Variants in PAX6 observed in about 807,000 individuals in gnomAD.
The protein encoded by PAX6 is paired box 6.
In PAX6, 7 loss-of-function variants were observed where a neutral mutation model predicts 60.7. The observed-to-expected ratio is 0.12, with a 90% CI of 0.07 to 0.22. The LOEUF (loss-of-function observed/expected upper bound fraction) is 0.22. PAX6 is among the 10% of genes least tolerant of loss of function. The pLI is 1.00. For synonymous variants in PAX6, 208 were observed against 201.2 expected (o/e 1.03, Z -0.29); for missense variants, 355 against 555.2 (o/e 0.64, Z 3.62).
At chr11:31,816,281 G>C, upstream of PAX6, 1 of 386,932 alleles carries the variant, frequency 2.6e-6, no homozygotes, top group South Asian at 5.7e-5. Context: ...AATCTGAATA[G>C]TAATTCCAGT....
upstream of PAX6, chr11:31,814,894 C>T: frequency 6.4e-6 from 1 of 155,248 alleles, no homozygotes; most frequent in South Asian, 2.0e-4. Context: ...AGCCGCGGTG[C>T]CCTCGCCCTT....
At chr11:31,809,109 A>G (rs3026354) in intron 2 of PAX6, among the ~76,000 whole-genome samples, 26,922 of 152,088 alleles carry the variant, frequency 0.18, 2,554 homozygotes, top group East Asian at 0.3. Flanking sequence ...TCTTTAACTG[A>G]GGTAAAGGGG....
intron 8 of PAX6, among the ~76,000 whole-genome samples, chr11:31,796,248 T>G (rs1005851033): frequency 6.6e-6 from 1 of 152,084 alleles, no homozygotes. Flanking sequence ...ACTATTAAAC[T>G]CCTGGGGCAG....
chr11:31,790,682 G>A, intron 13 of PAX6, 28 bp downstream of exon 13: 1 of 1,613,784 alleles, frequency 6.2e-7, no homozygotes, highest in South Asian at 1.1e-5. Flanking sequence ...GATCGCCTCT[G>A]TGCAGCCTGC....
In PAX6 at chr11:31,793,537, A is replaced by G. The variant is rs1316099458; in HGVS notation, c.975T>C (p.Ser325=). 1 of 1,614,134 alleles carries G rather than the reference A, an allele frequency of 6.2e-7. No individual in the cohort carries two copies. The highest frequency in any genetic ancestry group is 8.5e-7 in the Non-Finnish European group (1 of 1,180,038). The change falls in exon 12 of 14, where the codon TCT becomes TCC. Residue 325 remains serine (S), a synonymous_variant. Coordinates refer to ENST00000640368, the MANE Select transcript of PAX6 (RefSeq NM_001368894.2). ...QPTTPVSSFT[S]GSMLGRTDTA... ...TGTCTGTTCGGCCCAACATGGAGCCAGATGTGAAGGAGGAAACTGAGGGCA... is the reference window on the plus strand; with the variant it reads ...TGTCTGTTCGGCCCAACATGGAGCCGGATGTGAAGGAGGAAACTGAGGGCA...
At chr11:31,790,620 G>C in intron 13 of PAX6, 90 bp downstream of exon 13, 1 of 1,581,614 alleles carries the variant, frequency 6.3e-7, no homozygotes, top group African/African-American at 1.3e-5. Context: ...AGTTAAACAC[G>C]CCCTCCCATA....
At chr11:31,796,885 A>AG (rs2134778159) in intron 8 of PAX6, among the ~76,000 whole-genome samples, 1 of 152,014 alleles carries the variant, frequency 6.6e-6, no homozygotes, top group South Asian at 2.1e-4. Context: ...GGGGTCGAGG[A>AG]GGGCTACTTA....
intron 4 of PAX6, chr11:31,805,226 C>T (rs1023895826): frequency 6.6e-6 from 1 of 152,218 alleles, no homozygotes; most frequent in African/African-American, 2.4e-5. Context: ...CTGGCTGGGG[C>T]CCGCCCGAGA....
At chr11:31,796,888 G>A (rs2134778357) in intron 8 of PAX6, among the ~76,000 whole-genome samples, 1 of 152,066 alleles carries the variant, frequency 6.6e-6, no homozygotes, top group Non-Finnish European at 1.5e-5. Flanking sequence ...GTCGAGGAGG[G>A]CTACTTAGCT....
At chr11:31,816,184 C>T (rs1313230350), upstream of PAX6, 5 of 165,442 alleles carry the variant, frequency 3.0e-5, no homozygotes, top group Admixed American at 6.3e-5. Flanking sequence ...GCGCGCGCTG[C>T]CCCCTTCTGC....
chr11:31,798,668 G>T (rs912613314), intron 8 of PAX6, among the ~76,000 whole-genome samples: 2 of 152,358 alleles, frequency 1.3e-5, no homozygotes, highest in African/African-American at 4.8e-5. Context: ...TTGCGGGTGG[G>T]GGGGTGGTGA....
In PAX6 at chr11:31,802,692, C is replaced by G; in HGVS notation, c.141+12G>C. On this transcript the variant is annotated intron_variant, in intron 5 of 13. Transcript: ENST00000640368. Reference sequence around the variant, plus strand: ...GCGGGGGCGGCGAGTGGGGCGGCGCCGGGAGGATCACCTGCAGAATTCGGG... The same window carrying G: ...GCGGGGGCGGCGAGTGGGGCGGCGCGGGGAGGATCACCTGCAGAATTCGGG... 1 of 1,608,742 alleles carries G rather than the reference C, an allele frequency of 6.2e-7. No individual in the cohort carries two copies. Among genetic ancestry groups the G allele is most frequent in the Non-Finnish European group, 8.5e-7 (1 of 1,177,330 alleles).
At position 31,801,652 on chromosome 11, in the gene PAX6, T is replaced by C. The variant is rs1167005463; in HGVS notation, c.308A>G (p.Gln103Arg). The change falls in exon 7 of 14, where the codon CAG becomes CGG. Residue 103 changes from glutamine to arginine, a missense_variant. Physicochemically the swap from Gln to Arg is conservative, Grantham distance 43. Around this residue, in one of 5 missense-constraint regions of PAX6, gnomAD observed 143 missense variants for 183.6 expected, o/e 0.78. Coordinates refer to ENST00000640368, the MANE Select transcript of PAX6 (RefSeq NM_001368894.2). ...GATGGACGGGCACTCCCGCTTATACTGGGCTATTTTGCTTACAACTTCTGG... is the reference window on the plus strand; with the variant it reads ...GATGGACGGGCACTCCCGCTTATACCGGGCTATTTTGCTTACAACTTCTGG... Reference protein sequence around the residue: ...ATPEVVSKIAQYKRECPSIFA... With the variant: ...ATPEVVSKIARYKRECPSIFA... 1.2e-6 allele frequency: 2 copies of C among 1,614,196 alleles called. No individual in the cohort carries two copies. The highest frequency in any genetic ancestry group is 1.7e-5 in the Admixed American group (1 of 60,022).
At chr11:31,798,272 G>A (rs1257732350) in intron 8 of PAX6, among the ~76,000 whole-genome samples, 2 of 152,134 alleles carry the variant, frequency 1.3e-5, no homozygotes, top group Admixed American at 1.3e-4. Flanking sequence ...CCAAATCGCC[G>A]GAGAATTGGG....
At chr11:31,794,208 C>T (rs1950747072) in intron 9 of PAX6, 94 bp from the exon 10 acceptor site, 2 of 836,098 alleles carry the variant, frequency 2.4e-6, no homozygotes, top group Non-Finnish European at 4.2e-6. Context: ...CTCCCCACTC[C>T]CATTACCTCC....
At chr11:31,803,628 C>T (rs1954836109) in intron 4 of PAX6, 1 of 152,438 alleles carries the variant, frequency 6.6e-6, no homozygotes, top group Non-Finnish European at 1.5e-5. Context: ...CGGCTTCAGC[C>T]ACAGACAAGT....
intron 12 of PAX6, chr11:31,791,317 G>A (rs868736354): frequency 1.0e-5 from 3 of 286,306 alleles, no homozygotes; most frequent in Non-Finnish European, 6.8e-6. Context: ...AGTAAAGTAT[G>A]GTTCAGGGAC....
chr11:31,795,350 G>A (rs960642018), intron 8 of PAX6, among the ~76,000 whole-genome samples: 1 of 152,158 alleles, frequency 6.6e-6, no homozygotes, highest in African/African-American at 2.4e-5. Context: ...AGAAGTGCTC[G>A]CATTGTTCTG....
intron 1 of PAX6, 27 bp downstream of exon 1, chr11:31,811,088 T>C (rs1454593745): frequency 2.5e-6 from 1 of 398,904 alleles, no homozygotes; most frequent in Non-Finnish European, 4.4e-6. Flanking sequence ...AGAGTGTGGG[T>C]GAGGGAAGTG....
Sources: allele counts gnomAD v4.1 joint callset (sites outside exome capture counted in the v4.1 genomes callset), GRCh38; gene constraint gnomAD v4.1.1; regional missense constraint gnomAD v4.1.1; transcripts MANE v1.5; gene names NCBI Gene and HGNC (gene_info 2026-07-23, HGNC 2026-07-21).